Variants in WNK3 observed in about 807,000 individuals in gnomAD.
WNK3 encodes the protein serine/threonine-protein kinase WNK3.
Under a neutral mutation model 116.7 loss-of-function variants are expected in WNK3, and 18 were observed. The ratio of observed to expected loss-of-function variants is 0.15; its 90% CI spans 0.11 to 0.23. WNK3 has a LOEUF of 0.23. Ranked by LOEUF, WNK3 falls within the 10% of genes least tolerant of loss-of-function variation. The pLI, the probability that WNK3 is intolerant of heterozygous loss-of-function variation, is 1.00. For missense variants in WNK3, 993 were observed against 1,323.8 expected (o/e 0.75, Z 3.88); for synonymous variants, 404 against 469.4 (o/e 0.86, Z 1.80).
chrX:54,228,671 T>C, intron 22 of WNK3, 43 bp downstream of exon 22: 1 of 460,227 alleles, frequency 2.2e-6, no homozygotes, highest in East Asian at 3.7e-5. Flanking sequence ...AAACTGTAAT[T>C]TTTTAAAAAA....
At chrX:54,243,984 C>A (rs2068050265) in intron 17 of WNK3, among the ~76,000 whole-genome samples, 1 of 111,740 alleles carries the variant, frequency 8.9e-6, no homozygotes, top group Non-Finnish European at 1.9e-5. Context: ...ACACAAAGGC[C>A]ATAAACTGTA....
intron 21 of WNK3, among the ~76,000 whole-genome samples, chrX:54,231,842 T>C (rs575778946): frequency 1.8e-5 from 2 of 111,099 alleles, no homozygotes; most frequent in African/African-American, 6.5e-5. Context: ...CATATGTCCT[T>C]ACAATACATC....
intron 13 of WNK3, 53 bp downstream of exon 13, chrX:54,253,906 G>C: frequency 1.2e-6 from 1 of 820,677 alleles, no homozygotes; most frequent in Non-Finnish European, 1.8e-6. Context: ...AGAATTATAG[G>C]GGAAAAAAGA....
chrX:54,226,401 T>C (rs1360475764), intron 22 of WNK3, among the ~76,000 whole-genome samples: 16 of 76,866 alleles, frequency 2.1e-4, no homozygotes, highest in Middle Eastern at 0.013. Flanking sequence ...ACCTGGGAGG[T>C]GGAGGTTACA....
At chrX:54,284,434 A>G (rs1603390031) in intron 10 of WNK3, among the ~76,000 whole-genome samples, 1 of 111,668 alleles carries the variant, frequency 9.0e-6, no homozygotes, top group African/African-American at 3.3e-5. Context: ...AGTGCAGCCA[A>G]TTCGGAAAAC....
chrX:54,215,582 C>T (rs1367094030), intron 22 of WNK3, among the ~76,000 whole-genome samples: 1 of 111,916 alleles, frequency 8.9e-6, no homozygotes, highest in East Asian at 2.8e-4. Flanking sequence ...CCCAAAGTGC[C>T]GAGATTGCAG....
intron 2 of WNK3, among the ~76,000 whole-genome samples, chrX:54,312,991 T>C (rs1294987177): frequency 9.0e-6 from 1 of 111,334 alleles, no homozygotes; most frequent in Non-Finnish European, 1.9e-5. Flanking sequence ...ATAAATTTTC[T>C]AACAGGTACA....
chrX:54,260,348 C>G (rs781961709), intron 10 of WNK3, among the ~76,000 whole-genome samples: 48 of 111,928 alleles, frequency 4.3e-4, no homozygotes, highest in Middle Eastern at 9.1e-3. Context: ...ACTTAAGATT[C>G]AACAAAATGT....
intron 1 of WNK3, among the ~76,000 whole-genome samples, chrX:54,357,464 C>T (rs957370165): frequency 8.9e-6 from 1 of 112,051 alleles, no homozygotes; most frequent in Admixed American, 9.5e-5. Context: ...TTTCGACAGC[C>T]CCTTAGCCCG....
At chrX:54,208,827 A>G (rs1557143196) in intron 22 of WNK3, among the ~76,000 whole-genome samples, 1 of 112,029 alleles carries the variant, frequency 8.9e-6, no homozygotes, top group African/African-American at 3.2e-5. Flanking sequence ...CAAAGGGAAA[A>G]GACAGGAGTC....
chrX:54,264,073 C>T (rs1019014325), intron 10 of WNK3, among the ~76,000 whole-genome samples: 8 of 107,444 alleles, frequency 7.4e-5, no homozygotes, highest in African/African-American at 2.7e-4. Flanking sequence ...GTGGCTCATG[C>T]CTATAATCCA....
chrX:54,254,450 A>T (rs1279661850), intron 12 of WNK3, among the ~76,000 whole-genome samples: 1 of 112,455 alleles, frequency 8.9e-6, no homozygotes, highest in African/African-American at 3.2e-5. Context: ...GGCACTGCAA[A>T]TGGAAATGTA....
intron 22 of WNK3, among the ~76,000 whole-genome samples, chrX:54,208,370 C>T (rs903364650): frequency 9.1e-5 from 10 of 110,186 alleles, no homozygotes; most frequent in South Asian, 7.8e-4. Flanking sequence ...GTGATCCACC[C>T]GCCTCGGCCT....
At chrX:54,258,345 ATTT>A (rs1557156011) in intron 11 of WNK3, among the ~76,000 whole-genome samples, 1 of 107,536 alleles carries the variant, frequency 9.3e-6, no homozygotes, top group Non-Finnish European at 1.9e-5. Flanking sequence ...AATTTTATTT[ATTT>A]ATTTAGACAG....
chrX:54,281,811 T>TATACATGTATGTATATGCACACACAC (rs1569537723), intron 10 of WNK3, among the ~76,000 whole-genome samples: 2 of 111,178 alleles, frequency 1.8e-5, no homozygotes, highest in Non-Finnish European at 3.8e-5. Flanking sequence ...TATACACACA[T>TATACATGTATGTATATGCACACACAC]ATACATGTAT....
chrX:54,263,128 T>C (rs1265168574), intron 10 of WNK3, among the ~76,000 whole-genome samples: 2 of 110,103 alleles, frequency 1.8e-5, no homozygotes, highest in African/African-American at 6.6e-5. Context: ...CTCCCATTAG[T>C]GGTTCTCAGC....
chrX:54,312,543 T>C (rs782816135), intron 2 of WNK3, among the ~76,000 whole-genome samples: 2 of 110,337 alleles, frequency 1.8e-5, no homozygotes, highest in Admixed American at 2.0e-4. Context: ...GGTCAAGTGA[T>C]TCTCCTGCCT....
chrX:54,329,230 A>G (rs1189901756), intron 2 of WNK3, among the ~76,000 whole-genome samples: 1 of 111,894 alleles, frequency 8.9e-6, no homozygotes, highest in African/African-American at 3.2e-5. Context: ...AGGCCTGGGA[A>G]TATGCAGTTC....
intron 5 of WNK3, among the ~76,000 whole-genome samples, chrX:54,307,088 G>A (rs918800004): frequency 4.0e-4 from 43 of 108,815 alleles, no homozygotes; most frequent in African/African-American, 8.0e-4. Context: ...TTAGCTGGGC[G>A]TGGTGGTGCA....
Sources: gnomAD v4.1 joint callset for allele counts (sites outside exome capture counted in the v4.1 genomes callset) on GRCh38, gnomAD v4.1.1 for gene constraint, MANE v1.5 for transcripts, NCBI Gene and HGNC (gene_info 2026-07-23, HGNC 2026-07-21) for gene names.